The following ROBO2 variants were observed in gnomAD, a reference collection of about 807,000 sequenced individuals.
ROBO2 encodes the protein roundabout guidance receptor 2.
A neutral mutation model predicts 160.8 loss-of-function variants in ROBO2; 53 were observed. That is an observed-to-expected ratio of 0.33 (90% CI 0.26 to 0.41). The LOEUF is 0.41. Ranked by LOEUF, ROBO2 falls within the 10% of genes least tolerant of loss-of-function variation. The pLI, the probability that ROBO2 is intolerant of heterozygous loss-of-function variation, is 1.00. For missense variants in ROBO2, 1,577 were observed against 1,722.4 expected, an observed-to-expected ratio of 0.92 and a Z score of 1.49; for synonymous variants, 664 against 611.7, an observed-to-expected ratio of 1.09 and a Z score of -1.26.
rs754183877 is a variant in ROBO2, at chr3:77,597,296, A to AAAATAAATAAAT, written c.2854+566_2854+577dup. 5.4e-3 allele frequency among the ~76,000 whole-genome samples: 656 copies of AAAATAAATAAAT among 121,402 alleles called. 9 individuals are homozygous for AAAATAAATAAAT. Among genetic ancestry groups the AAAATAAATAAAT allele is most frequent in the East Asian group, 0.02 (84 of 4,214 alleles). The allele number at this position is 121,402 out of a possible 152,430, so 79.6% of individuals were successfully genotyped here. On this transcript the variant is annotated intron_variant, in intron 19 of 25. Coordinates refer to ENST00000461745, the Ensembl canonical transcript of ROBO2. ...TTCCACAACTAGTAACTGTTATCCA[A>AAAATAAATAAAT]AAATAAATAAATAAATAAATAAATA...
intron 2 of ROBO2, among the ~76,000 whole-genome samples, chr3:76,983,316 A>G (rs995541399): frequency 2.0e-5 from 3 of 152,178 alleles, no homozygotes; most frequent in Non-Finnish European, 4.4e-5. Context: ...GTACATATTT[A>G]ATATTTAGAA....
chr3:76,830,459 C>G (rs1441817735), intron 2 of ROBO2, among the ~76,000 whole-genome samples: 1 of 152,086 alleles, frequency 6.6e-6, no homozygotes. Context: ...CTTTCCAATG[C>G]AAATATCTAA....
intron 2 of ROBO2, among the ~76,000 whole-genome samples, chr3:76,480,114 A>G (rs992738108): frequency 3.4e-4 from 51 of 152,172 alleles, no homozygotes; most frequent in African/African-American, 1.2e-3. Context: ...TATCAGCACC[A>G]TAAGTTATTT....
At chr3:77,582,324 T>C in intron 16 of ROBO2, among the ~76,000 whole-genome samples, 2 of 152,244 alleles carry the variant, frequency 1.3e-5, no homozygotes, top group South Asian at 4.1e-4. Context: ...TGCTCTCGAA[T>C]TCCTGGCCTC....
chr3:76,450,464 A>T (rs552106542), intron 2 of ROBO2, among the ~76,000 whole-genome samples: 16 of 152,304 alleles, frequency 1.1e-4, no homozygotes, highest in African/African-American at 3.8e-4. Context: ...GCAGAAAAAA[A>T]TGATGAAAAT....
chr3:77,090,984 C>T (rs1432593218), intron 1 of ROBO2, among the ~76,000 whole-genome samples: 1 of 152,172 alleles, frequency 6.6e-6, no homozygotes, highest in African/African-American at 2.4e-5. Context: ...AAAATGAACA[C>T]AGCATAGAAA....
At chr3:76,079,831 A>G (rs1030602833) in intron 2 of ROBO2, among the ~76,000 whole-genome samples, 2 of 152,126 alleles carry the variant, frequency 1.3e-5, no homozygotes, top group Admixed American at 6.6e-5. Flanking sequence ...TAACAACAAC[A>G]ACAACAAAGA....
At chr3:76,148,919 A>G (rs1340842501) in intron 2 of ROBO2, among the ~76,000 whole-genome samples, 2 of 152,058 alleles carry the variant, frequency 1.3e-5, no homozygotes, top group Non-Finnish European at 2.9e-5. Context: ...ATTCAGTCAC[A>G]TAGTTTTATT....
intron 2 of ROBO2, among the ~76,000 whole-genome samples, chr3:76,684,729 G>A (rs2092647292): frequency 6.6e-6 from 1 of 151,960 alleles, no homozygotes; most frequent in Non-Finnish European, 1.5e-5. Context: ...GTTTTCTTAA[G>A]GCTGTGCCCC....
At chr3:77,148,801 AT>A (rs2077319716) in intron 2 of ROBO2, among the ~76,000 whole-genome samples, 1 of 152,212 alleles carries the variant, frequency 6.6e-6, no homozygotes, top group Admixed American at 6.5e-5. Flanking sequence ...CTAATAGGGA[AT>A]TTTAAACTAC....
At chr3:76,626,264 G>A (rs1471588688) in intron 2 of ROBO2, among the ~76,000 whole-genome samples, 1 of 152,194 alleles carries the variant, frequency 6.6e-6, no homozygotes, top group Non-Finnish European at 1.5e-5. Context: ...ATGTGAAGGT[G>A]TAAGCAGAAG....
At chr3:76,223,222 T>G (rs907941846) in intron 2 of ROBO2, among the ~76,000 whole-genome samples, 7 of 151,978 alleles carry the variant, frequency 4.6e-5, no homozygotes, top group African/African-American at 1.4e-4. Flanking sequence ...CTAGTTATGG[T>G]CTAGAAGCAA....
intron 12 of ROBO2, among the ~76,000 whole-genome samples, chr3:77,565,991 C>A (rs1338316411): frequency 6.6e-6 from 1 of 151,940 alleles, no homozygotes; most frequent in Admixed American, 6.6e-5. Flanking sequence ...TTTGTTATAA[C>A]CTACTTCCCA....
intron 8 of ROBO2, among the ~76,000 whole-genome samples, chr3:77,556,111 T>C (rs2093110978): frequency 6.6e-6 from 1 of 151,916 alleles, no homozygotes; most frequent in Non-Finnish European, 1.5e-5. Context: ...TTAGTATGCT[T>C]TACTCTGGTA....
intron 2 of ROBO2, among the ~76,000 whole-genome samples, chr3:75,952,782 C>A (rs1948594771): frequency 6.6e-6 from 1 of 151,880 alleles, no homozygotes; most frequent in African/African-American, 2.4e-5. Context: ...CTTCCTTGCT[C>A]CATCTATTCA....
rs923146959 is a variant in ROBO2, at chr3:77,554,691, C to T, written c.1232-3253C>T. 5.9e-5 allele frequency among the ~76,000 whole-genome samples: 9 copies of T among 151,716 alleles called. 1 individual carries two copies. Among genetic ancestry groups the T allele is most frequent in the Admixed American group, 2.0e-4 (3 of 15,184 alleles). On this transcript the variant is annotated intron_variant, in intron 8 of 25. Coordinates refer to ENST00000461745, the Ensembl canonical transcript of ROBO2. Reference sequence around the variant, plus strand: ...AAGAACTAGAATTAGAAGTGGATCCCGAAGATGTGACTAAATGGCTACAGT... The same window carrying T: ...AAGAACTAGAATTAGAAGTGGATCCTGAAGATGTGACTAAATGGCTACAGT...
At chr3:77,465,235 C>T (rs2082651826) in intron 2 of ROBO2, among the ~76,000 whole-genome samples, 2 of 152,102 alleles carry the variant, frequency 1.3e-5, no homozygotes, top group Admixed American at 6.6e-5. Flanking sequence ...TGAAGTGCCT[C>T]GATCATGTCA....
At chr3:76,651,413 A>G (rs1346101069) in intron 2 of ROBO2, among the ~76,000 whole-genome samples, 1 of 152,000 alleles carries the variant, frequency 6.6e-6, no homozygotes, top group Non-Finnish European at 1.5e-5. Flanking sequence ...AAGTGCAAGG[A>G]CTCTGTCTTA....
chr3:76,416,283 GTT>G (rs906218022), intron 2 of ROBO2, among the ~76,000 whole-genome samples: 7 of 152,084 alleles, frequency 4.6e-5, no homozygotes, highest in Non-Finnish European at 7.4e-5. Context: ...TGGCATGTTA[GTT>G]TTGTGTCTTT....
Sources: gnomAD v4.1 joint callset for allele counts (sites outside exome capture counted in the v4.1 genomes callset) on GRCh38, gnomAD v4.1.1 for gene constraint, MANE v1.5 for transcripts, NCBI Gene and HGNC (gene_info 2026-07-23, HGNC 2026-07-21) for gene names.